PMPCB: variants seen among roughly 807,000 people sequenced by gnomAD.
PMPCB encodes the protein mitochondrial-processing peptidase subunit beta.
In PMPCB, 46 loss-of-function variants were observed where a neutral mutation model predicts 61.5. The ratio of observed to expected loss-of-function variants is 0.75; its 90% CI spans 0.59 to 0.96. The LOEUF is 0.96. PMPCB is among the 40% of genes least tolerant of loss of function. The probability of loss-of-function intolerance (pLI) is 0.00; values close to 1 mark genes in which losing one functional copy is unlikely to be tolerated. For missense variants in PMPCB, 590 were observed against 602.4 expected, an observed-to-expected ratio of 0.98 and a Z score of 0.22; for synonymous variants, 191 against 201.6, an observed-to-expected ratio of 0.95 and a Z score of 0.44.
the PMPCB span, among the ~76,000 whole-genome samples, chr7:103,340,225 T>G: frequency 3.9e-5 from 6 of 152,344 alleles, no homozygotes; most frequent in South Asian, 1.0e-3. Context: ...CAAAGTGTCT[T>G]TTTCTTTGTT....
chr7:103,308,716 G>A (rs1817657655), intron 7 of PMPCB, among the ~76,000 whole-genome samples: 1 of 152,180 alleles, frequency 6.6e-6, no homozygotes, highest in Non-Finnish European at 1.5e-5. Flanking sequence ...GGTAAACCAT[G>A]TGGTGCCTGT....
At chr7:103,344,584 G>C in the PMPCB span, 2 of 1,613,330 alleles carry the variant, frequency 1.2e-6, no homozygotes, top group South Asian at 2.2e-5. Context: ...GGGTGATGGC[G>C]GTGCCCCGGC....
the PMPCB span, among the ~76,000 whole-genome samples, chr7:103,345,470 C>CA: frequency 3.3e-5 from 5 of 152,086 alleles, no homozygotes; most frequent in South Asian, 1.0e-3. Flanking sequence ...AGGCTCACCC[C>CA]CAACAGCAGT....
In PMPCB at chr7:103,312,217, G is replaced by T; in HGVS notation, c.1416G>T (p.Lys472Asn). ...CTTTTTAATCCTTAGGTCCCATTAA[G>T]CAACTACCAGATTTTAAACAGATAC... ...SPAIAAVGPI[K>N]QLPDFKQIRS... The change falls in exon 13 of 13, where the codon AAG becomes AAT. Residue 472 changes from lysine (K) to asparagine (N), a missense_variant. Transcript: ENST00000249269. The T allele has an allele frequency of 6.2e-7, 1 of 1,613,498 alleles. No homozygotes were observed. The highest frequency in any genetic ancestry group is 1.3e-5 in the African/African-American group (1 of 75,034).
At chr7:103,300,789 A>G (rs1358309759) in intron 4 of PMPCB, among the ~76,000 whole-genome samples, 1 of 152,056 alleles carries the variant, frequency 6.6e-6, no homozygotes, top group Non-Finnish European at 1.5e-5. Flanking sequence ...GGTTCAAGTG[A>G]TTCTCCTGCC....
chr7:103,311,860 A>G lies in PMPCB; in HGVS notation c.1293A>G (p.Arg431=), dbSNP rs1385499831. The change falls in exon 11 of 13, where the codon AGA becomes AGG. Residue 431 remains arginine (R), a synonymous_variant. Transcript: ENST00000249269. ...DIGRQMLCYN[R]RIPIPELEAR... ...GTAGGCAAATGTTATGCTATAATAG[A>G]AGGATTCCCATCCCTGAGCTTGAAG... is the stretch of plus-strand genomic sequence containing the variant. 6.2e-7 allele frequency: 1 copy of G among 1,612,898 alleles called. No homozygotes were observed. Among genetic ancestry groups the G allele is most frequent in the African/African-American group, 1.3e-5 (1 of 74,918 alleles).
chr7:103,327,571 T>G, intron 12 of PMPCB: 1 of 864,372 alleles, frequency 1.2e-6, no homozygotes, highest in Non-Finnish European at 1.8e-6. Flanking sequence ...TTGAATGAAC[T>G]ACAGTATGCA....
At chr7:103,300,080 A>G (rs1817407193) in intron 3 of PMPCB, 98 bp from the exon 4 acceptor site, 2 of 1,187,922 alleles carry the variant, frequency 1.7e-6, no homozygotes, top group South Asian at 1.6e-5. Context: ...TTGACCCTGC[A>G]TGAAACTAAC....
intron 8 of PMPCB, among the ~76,000 whole-genome samples, chr7:103,309,507 T>C (rs1323840690): frequency 6.6e-6 from 1 of 152,176 alleles, no homozygotes; most frequent in Non-Finnish European, 1.5e-5. Flanking sequence ...CTAAACAATA[T>C]AGTATAACAA....
the PMPCB span, chr7:103,341,967 GT>G: frequency 6.5e-7 from 1 of 1,541,058 alleles, no homozygotes; most frequent in Non-Finnish European, 8.7e-7. Flanking sequence ...GTGATTGAAA[GT>G]GTTAAGAGAG....
In PMPCB at chr7:103,312,781, G is replaced by A; in HGVS notation, c.*510G>A. On this transcript the variant is annotated 3_prime_UTR_variant, in exon 13 of 13. Transcript: ENST00000249269. ...TGATTTCATTATCTGCCAGGGCCTAGAAAGTTTCTAAGGTTGCTCATTTCT... is the reference window on the plus strand; with the variant it reads ...TGATTTCATTATCTGCCAGGGCCTAAAAAGTTTCTAAGGTTGCTCATTTCT... 2.6e-6 allele frequency: 4 copies of A among 1,510,778 alleles called. No homozygotes were observed. Among genetic ancestry groups the A allele is most frequent in the Non-Finnish European group, 3.5e-6 (4 of 1,138,150 alleles). 93.6% of individuals were successfully genotyped at this position (1,510,778 alleles called of 1,614,324 possible).
chr7:103,340,918 A>G, the PMPCB span, among the ~76,000 whole-genome samples: 4 of 152,198 alleles, frequency 2.6e-5, no homozygotes, highest in Admixed American at 1.3e-4. Context: ...GGACACAAAC[A>G]GCACCTCCCA....
chr7:103,345,004 G>T, the PMPCB span: 1 of 405,836 alleles, frequency 2.5e-6, no homozygotes, highest in Non-Finnish European at 4.4e-6. Flanking sequence ...TTATCTTTAA[G>T]TTCTTACTGC....
rs373184669 is a variant in PMPCB, at chr7:103,297,469, G to A, written c.10G>A (p.Ala4Thr). ...CTTCCTTCTAGCAGAAATGGCGGCT[G>A]CGGCGGCTCGAGTGGTGTTGTCATC... MAAAAARVVLSSAA... is the reference protein window; with the variant it reads MAATAARVVLSSAA... Residue 4 changes from alanine (A) to threonine (T), a missense_variant, in exon 1 of 13, where the codon GCG becomes ACG. By Grantham distance (58) the Ala-to-Thr change is moderately conservative (BLOSUM62 0). Coordinates refer to ENST00000249269, the MANE Select transcript of PMPCB (RefSeq NM_004279.3). 5.2e-6 allele frequency: 8 copies of A among 1,543,446 alleles called. No individual in the cohort carries two copies. The highest frequency in any genetic ancestry group is 6.1e-6 in the Non-Finnish European group (7 of 1,144,622).
the PMPCB span, among the ~76,000 whole-genome samples, chr7:103,341,549 A>G: frequency 6.6e-6 from 1 of 152,180 alleles, no homozygotes; most frequent in Non-Finnish European, 1.5e-5. Flanking sequence ...CGGTGCAAAC[A>G]TTATCTTTTC....
At chr7:103,322,376 C>G in intron 12 of PMPCB, 1 of 956,292 alleles carries the variant, frequency 1.0e-6, no homozygotes, top group Non-Finnish European at 1.5e-6. Context: ...ACCAACTGGT[C>G]ATGATTCATT....
chr7:103,320,136 TGGA>T (rs1438571890), intron 12 of PMPCB, among the ~76,000 whole-genome samples: 1 of 152,188 alleles, frequency 6.6e-6, no homozygotes, highest in African/African-American at 2.4e-5. Context: ...TCGCCCAGGC[TGGA>T]GTCCAGTGGC....
intron 3 of PMPCB, among the ~76,000 whole-genome samples, chr7:103,299,950 A>G (rs946028426): frequency 6.6e-6 from 1 of 152,084 alleles, no homozygotes; most frequent in African/African-American, 2.4e-5. Flanking sequence ...TCATAGAGAT[A>G]GGGTTTTGCC....
chr7:103,312,378 A>T lies in PMPCB; in HGVS notation c.*107A>T. 1.9e-6 allele frequency: 3 copies of T among 1,540,272 alleles called. No homozygotes were observed. Among genetic ancestry groups the T allele is most frequent in the Non-Finnish European group, 2.6e-6 (3 of 1,152,204 alleles). ...TTTGGAAATTTGAATTAAATACTGTATCATACTTTCAAAGGATAAAAAGAC... is the reference window on the plus strand; with the variant it reads ...TTTGGAAATTTGAATTAAATACTGTTTCATACTTTCAAAGGATAAAAAGAC... On this transcript the variant is annotated 3_prime_UTR_variant, in exon 13 of 13. Coordinates refer to ENST00000249269, the MANE Select transcript of PMPCB (RefSeq NM_004279.3).
Sources: allele counts gnomAD v4.1 joint callset (sites outside exome capture counted in the v4.1 genomes callset), GRCh38; gene constraint gnomAD v4.1.1; transcripts MANE v1.5; gene names NCBI Gene and HGNC (gene_info 2026-07-23, HGNC 2026-07-21).